Variants in FAAH2 observed in about 807,000 individuals in gnomAD.
The protein encoded by FAAH2 is fatty-acid amide hydrolase 2.
A neutral mutation model predicts 36.9 loss-of-function variants in FAAH2; 60 were observed. The ratio of observed to expected loss-of-function variants is 1.63; its 90% confidence interval spans 1.32 to 2.02. The LOEUF is 2.02. Among genes scored for constraint, FAAH2 ranks in the 30% most tolerant of loss-of-function variants. The pLI is 0.00. For missense variants in FAAH2, 689 were observed against 397.5 expected (o/e 1.73, Z -6.23); for synonymous variants, 214 against 143.8 (o/e 1.49, Z -3.49).
chrX:57,376,875 G>T (rs1336888170), intron 5 of FAAH2, among the ~76,000 whole-genome samples: 1 of 112,351 alleles, frequency 8.9e-6, no homozygotes, highest in African/African-American at 3.2e-5. Flanking sequence ...GTATCTCATT[G>T]TGGTTTTGAT....
At chrX:57,343,579 C>T (rs189900712) in intron 5 of FAAH2, among the ~76,000 whole-genome samples, 1 of 111,341 alleles carries the variant, frequency 9.0e-6, no homozygotes, top group East Asian at 2.8e-4. Context: ...TGTATGTTTA[C>T]TCTTTTGATA....
chrX:57,325,356 A>G (rs1400196904), intron 3 of FAAH2, among the ~76,000 whole-genome samples: 1 of 111,324 alleles, frequency 9.0e-6, no homozygotes, highest in East Asian at 2.8e-4. Flanking sequence ...GGCCTCATAA[A>G]ATGAGTTAGG....
At chrX:57,262,152 A>G in the FAAH2 span, among the ~76,000 whole-genome samples, 1 of 110,791 alleles carries the variant, frequency 9.0e-6, no homozygotes, top group Non-Finnish European at 1.9e-5. Flanking sequence ...ACATAAAAAG[A>G]CTCCTAAAGG....
At chrX:57,187,075 A>G in the FAAH2 span, among the ~76,000 whole-genome samples, 1 of 111,603 alleles carries the variant, frequency 9.0e-6, no homozygotes, top group African/African-American at 3.3e-5. Flanking sequence ...TGTGAAATGT[A>G]AAGTAGTTTT....
the FAAH2 span, among the ~76,000 whole-genome samples, chrX:57,264,685 T>C: frequency 5.3e-5 from 6 of 112,674 alleles, no homozygotes; most frequent in Non-Finnish European, 9.4e-5. Context: ...TTACTGGGTA[T>C]ATACCCAAAA....
the FAAH2 span, among the ~76,000 whole-genome samples, chrX:57,239,591 G>C: frequency 9.1e-6 from 1 of 110,367 alleles, no homozygotes; most frequent in African/African-American, 3.3e-5. Flanking sequence ...TTTCTAGTAT[G>C]CTTCAGAAAA....
chrX:57,350,423 C>G (rs891478398), intron 5 of FAAH2, among the ~76,000 whole-genome samples: 7 of 109,961 alleles, frequency 6.4e-5, no homozygotes, highest in African/African-American at 2.0e-4. Flanking sequence ...TTCCACCAAA[C>G]CACAATGACA....
At chrX:57,390,290 A>G (rs1227841511) in intron 7 of FAAH2, among the ~76,000 whole-genome samples, 1 of 111,251 alleles carries the variant, frequency 9.0e-6, no homozygotes, top group Non-Finnish European at 1.9e-5. Flanking sequence ...TTTTCTCTCT[A>G]TTTTCCTCTA....
At chrX:57,389,417 C>G (rs1230535090) in intron 7 of FAAH2, among the ~76,000 whole-genome samples, 1 of 107,616 alleles carries the variant, frequency 9.3e-6, no homozygotes, top group Non-Finnish European at 1.9e-5. Flanking sequence ...CGATTCTACT[C>G]TCTACTTCTA....
At chrX:57,201,691 T>G in the FAAH2 span, among the ~76,000 whole-genome samples, 1 of 111,325 alleles carries the variant, frequency 9.0e-6, no homozygotes, top group African/African-American at 3.3e-5. Flanking sequence ...TTTCTTTAGG[T>G]TTGGGAAGTT....
At chrX:57,350,525 GAACAT>G (rs2053971484) in intron 5 of FAAH2, among the ~76,000 whole-genome samples, 1 of 110,556 alleles carries the variant, frequency 9.0e-6, no homozygotes, top group African/African-American at 3.3e-5. Context: ...TAATAATTAT[GAACAT>G]AAACATATTA....
At chrX:57,344,376 G>A (rs1392381322) in intron 5 of FAAH2, among the ~76,000 whole-genome samples, 3 of 110,891 alleles carry the variant, frequency 2.7e-5, no homozygotes, top group Non-Finnish European at 5.7e-5. Context: ...TATTGTAAAT[G>A]GGATTGCATT....
chrX:57,177,557 T>C, the FAAH2 span, among the ~76,000 whole-genome samples: 1 of 92,031 alleles, frequency 1.1e-5, no homozygotes, highest in Non-Finnish European at 2.1e-5. Context: ...TCTTTTTTAT[T>C]ATTTAATGTT....
intron 7 of FAAH2, among the ~76,000 whole-genome samples, chrX:57,416,575 G>A (rs745607958): frequency 1.8e-4 from 20 of 112,195 alleles, no homozygotes; most frequent in Non-Finnish European, 2.6e-4. Context: ...ATTCTGGCTT[G>A]CAGGGTTTCT....
intron 10 of FAAH2, among the ~76,000 whole-genome samples, chrX:57,475,539 T>A (rs2057250362): frequency 9.0e-6 from 1 of 111,611 alleles, no homozygotes; most frequent in African/African-American, 3.3e-5. Flanking sequence ...TCTGTTCTGT[T>A]CCATTGATCT....
At chrX:57,130,405 C>G in the FAAH2 span, among the ~76,000 whole-genome samples, 2 of 111,699 alleles carry the variant, frequency 1.8e-5, no homozygotes, top group African/African-American at 6.5e-5. Flanking sequence ...AAACAGCACC[C>G]CTCTCCTTCC....
intron 8 of FAAH2, among the ~76,000 whole-genome samples, chrX:57,444,500 C>T (rs1282513730): frequency 3.6e-5 from 4 of 111,467 alleles, no homozygotes; most frequent in Non-Finnish European, 5.7e-5. Flanking sequence ...TTCCAGGTAC[C>T]GTATGTCATG....
intron 2 of FAAH2, among the ~76,000 whole-genome samples, chrX:57,308,337 G>T (rs996725517): frequency 9.0e-6 from 1 of 111,381 alleles, no homozygotes; most frequent in Non-Finnish European, 1.9e-5. Context: ...ACTGGTGTGA[G>T]AGGATATCTA....
At chrX:57,352,838 G>A (rs1410347879) in intron 5 of FAAH2, among the ~76,000 whole-genome samples, 1 of 110,540 alleles carries the variant, frequency 9.0e-6, no homozygotes, top group Non-Finnish European at 1.9e-5. Context: ...AAGCATGAAG[G>A]CAATCTCATT....
Sources: allele counts gnomAD v4.1 joint callset (sites outside exome capture counted in the v4.1 genomes callset), GRCh38; gene constraint gnomAD v4.1.1; transcripts MANE v1.5; gene names NCBI Gene and HGNC (gene_info 2026-07-23, HGNC 2026-07-21).